ITGA11: variants seen among roughly 807,000 people sequenced by gnomAD.
The protein encoded by ITGA11 is integrin alpha-11.
ITGA11 carries 97 observed loss-of-function variants against 141.9 expected under a neutral mutation model. The ratio of observed to expected loss-of-function variants is 0.68; its 90% CI spans 0.58 to 0.81. The LOEUF (loss-of-function observed/expected upper bound fraction) is 0.81. Ranked by LOEUF, ITGA11 falls within the 30% of genes least tolerant of loss-of-function variation. The pLI is 0.00. For missense variants in ITGA11, 1,387 were observed against 1,559.2 expected (o/e 0.89, Z 1.86); for synonymous variants, 658 against 624.6 (o/e 1.05, Z -0.80).
At chr15:68,311,168 C>T (rs966380787) in intron 25 of ITGA11, 88 bp from the exon 26 acceptor site, 14 of 1,295,434 alleles carry the variant, frequency 1.1e-5, no homozygotes, top group Non-Finnish European at 1.5e-5. Context: ...TTTCTTTTCT[C>T]CTCCTCTAGC....
chr15:68,402,378 A>C (rs1896533113), intron 2 of ITGA11, among the ~76,000 whole-genome samples: 1 of 152,174 alleles, frequency 6.6e-6, no homozygotes, highest in African/African-American at 2.4e-5. Flanking sequence ...GAAATGAGTG[A>C]GTTAGATGAT....
intron 1 of ITGA11, among the ~76,000 whole-genome samples, chr15:68,429,729 C>T (rs565697990): frequency 1.3e-5 from 2 of 152,356 alleles, no homozygotes; most frequent in South Asian, 4.1e-4. Context: ...CCCTTCTAGT[C>T]TTCAAAGTCC....
At chr15:68,345,800 C>G (rs1894727299) in intron 10 of ITGA11, among the ~76,000 whole-genome samples, 1 of 152,162 alleles carries the variant, frequency 6.6e-6, no homozygotes, top group African/African-American at 2.4e-5. Context: ...CTAACTGACC[C>G]TGAGAGCTGA....
chr15:68,328,316 C>A lies in ITGA11; in HGVS notation c.1902-54G>T. 1 of 1,534,320 alleles carries A rather than the reference C, an allele frequency of 6.5e-7. No homozygotes were observed. The highest frequency in any genetic ancestry group is 2.3e-5 in the East Asian group (1 of 43,908). On this transcript the variant is annotated intron_variant, in intron 15 of 29. Coordinates refer to ENST00000315757, the MANE Select transcript of ITGA11 (RefSeq NM_001004439.2). This position sits in a 1 kb window ranked among gnomAD's most constrained non-coding sequence, Gnocchi z 4.8. ...TGGGGCAGGGGCTCAGGCTGCCCTG[C>A]TGTGACCATGGGGAAAGACAAGAAC...
chr15:68,406,654 C>T (rs1182834140), intron 1 of ITGA11, among the ~76,000 whole-genome samples: 1 of 152,186 alleles, frequency 6.6e-6, no homozygotes, highest in African/African-American at 2.4e-5. Context: ...CCTATAGTCT[C>T]TAAGTGCCAC....
chr15:68,311,177 G>A, intron 25 of ITGA11, 97 bp from the exon 26 acceptor site: 1 of 1,274,164 alleles, frequency 7.8e-7, no homozygotes, highest in Non-Finnish European at 1.1e-6. Flanking sequence ...TCCTCCTCTA[G>A]CCGTGGTCCT....
In ITGA11 at chr15:68,315,641, C is replaced by G. The variant is rs375668513; in HGVS notation, c.2792+10G>C. On this transcript the variant is annotated intron_variant, in intron 22 of 29. Coordinates refer to ENST00000315757, the MANE Select transcript of ITGA11 (RefSeq NM_001004439.2). ...AAGCTTTGGGGAGAAGGAGCAGGCA[C>G]GGCCCTGACCTGCCTGCAGCGAGCT... 1 of 1,608,620 alleles carries G rather than the reference C, an allele frequency of 6.2e-7. No homozygotes were observed. The highest frequency in any genetic ancestry group is 1.1e-5 in the South Asian group (1 of 90,604).
chr15:68,303,171 G>T lies in ITGA11; in HGVS notation c.3496-41C>A, dbSNP rs989019590. On this transcript the variant is annotated intron_variant, in intron 29 of 29. Transcript: ENST00000315757. The surrounding 1 kb of genome is among the most constrained non-coding windows in gnomAD (Gnocchi z 5.3). ...GGGAGACGTCTCAGAGGAGGACAGGGTGGGCAAGGCCTGCCCCAGCTTTCC... is the reference window on the plus strand; with the variant it reads ...GGGAGACGTCTCAGAGGAGGACAGGTTGGGCAAGGCCTGCCCCAGCTTTCC... 7.9e-6 allele frequency: 12 copies of T among 1,523,628 alleles called. No homozygotes were observed. In the African/African-American group the frequency reaches 1.5e-4, roughly 19 times the overall value. 94.4% of individuals were successfully genotyped at this position (1,523,628 alleles called of 1,614,324 possible).
At position 68,333,983 on chromosome 15, in the gene ITGA11, C is replaced by A. The variant is rs531209315; in HGVS notation, c.1426-1505G>T. Among the ~76,000 whole-genome samples the A allele has an allele frequency of 1.6e-4, 25 of 152,344 alleles. No homozygotes were observed. Among genetic ancestry groups the A allele is most frequent in the African/African-American group, 6.0e-4 (25 of 41,574 alleles). On this transcript the variant is annotated intron_variant, in intron 12 of 29. Transcript: ENST00000315757. The surrounding 1 kb of genome is among the most constrained non-coding windows in gnomAD (Gnocchi z 4.2). ...CCCCTGCGTCCTCCCCAGACCATCC[C>A]CTGCCATCCCTCAAGTCTCAGCTGA...
chr15:68,425,229 G>A (rs1047736711), intron 1 of ITGA11, among the ~76,000 whole-genome samples: 6 of 152,206 alleles, frequency 3.9e-5, no homozygotes, highest in East Asian at 3.9e-4. Context: ...TTTGATGAGC[G>A]CTTGGCCTGT....
At position 68,297,104 on chromosome 15, in the gene ITGA11, T is replaced by G. The variant is rs1271722729; in HGVS notation, c.*5955A>C. 1 of 152,126 alleles carries G rather than the reference T, an allele frequency of 6.6e-6. No homozygotes were observed. The highest frequency in any genetic ancestry group is 2.4e-5 in the African/African-American group (1 of 41,404). 9.4% of individuals were successfully genotyped at this position (152,126 alleles called of 1,614,324 possible). A position where few individuals can be genotyped will look rare whatever the true frequency, so the allele number is the denominator to read the frequency against. ...ACAGGTATGTGCCACCATGCCCAGCTAATTCTTTTTATTTTGGTATTTTTT... is the reference window on the plus strand; with the variant it reads ...ACAGGTATGTGCCACCATGCCCAGCGAATTCTTTTTATTTTGGTATTTTTT... On this transcript the variant is annotated 3_prime_UTR_variant, in exon 30 of 30. Coordinates refer to ENST00000315757, the MANE Select transcript of ITGA11 (RefSeq NM_001004439.2).
At chr15:68,387,147 G>C (rs1896005135) in intron 2 of ITGA11, among the ~76,000 whole-genome samples, 1 of 152,066 alleles carries the variant, frequency 6.6e-6, no homozygotes, top group Admixed American at 6.5e-5. Context: ...GTAGGGGAAA[G>C]GATAAGAGGG....
At chr15:68,364,657 A>ACCCCCCCCCCCCCCCC in intron 4 of ITGA11, 50 bp downstream of exon 4, 1 of 671,324 alleles carries the variant, frequency 1.5e-6, no homozygotes, top group Non-Finnish European at 2.7e-6. Context: ...ACCCCTCCCC[A>ACCCCCCCCCCCCCCCC]CCCCCACCCC....
At chr15:68,317,507 C>T (rs768356139) in intron 20 of ITGA11, 144 bp from the exon 21 acceptor site, 128 of 647,510 alleles carry the variant, frequency 2.0e-4, no homozygotes, top group Non-Finnish European at 3.4e-4. Flanking sequence ...GACCACAGCC[C>T]TTCTGATGTC....
Position 68,311,324 on chromosome 15 carries a change from C to A in ITGA11, c.3053G>T (p.Arg1018Leu). 1 of 1,577,090 alleles carries A rather than the reference C, an allele frequency of 6.3e-7. No homozygotes were observed. Among genetic ancestry groups the A allele is most frequent in the Non-Finnish European group, 8.6e-7 (1 of 1,160,270 alleles). ...GAGGAAGTCCCTCAGCTTCAGTAGG[C>A]GGTTGCCGCTCCTGGTGGCGATGGG... ...TIPIATRSGN[R>L]LLKLRDFLTD... Residue 1018 changes from arginine to leucine, a missense_variant, in exon 25 of 30, where the codon CGC (arginine) becomes CTC (leucine). Transcript: ENST00000315757.
chr15:68,396,582 T>C (rs1451265507), intron 2 of ITGA11, among the ~76,000 whole-genome samples: 1 of 151,152 alleles, frequency 6.6e-6, no homozygotes, highest in East Asian at 2.0e-4. Flanking sequence ...GCCAGTGCAA[T>C]TAGAAAAATA....
At chr15:68,430,678 T>C (rs1897247814) in intron 1 of ITGA11, among the ~76,000 whole-genome samples, 1 of 152,192 alleles carries the variant, frequency 6.6e-6, no homozygotes, top group Non-Finnish European at 1.5e-5. Context: ...GGGCTTGGCC[T>C]CCTCCCGCAG....
At chr15:68,427,744 C>G (rs145546510) in intron 1 of ITGA11, among the ~76,000 whole-genome samples, 1 of 152,166 alleles carries the variant, frequency 6.6e-6, no homozygotes. Flanking sequence ...AGAATTCACA[C>G]AGTTAGGATC....
At chr15:68,364,842 G>T (rs186414186) in intron 3 of ITGA11, 44 bp from the exon 4 acceptor site, 3 of 1,558,262 alleles carry the variant, frequency 1.9e-6, no homozygotes, top group Non-Finnish European at 1.8e-6. Flanking sequence ...CCTCCTGCCC[G>T]CCCTCTGCCC....
Sources: allele counts gnomAD v4.1 joint callset (sites outside exome capture counted in the v4.1 genomes callset), GRCh38; gene constraint gnomAD v4.1.1; non-coding constraint Gnocchi (gnomAD v3.1); transcripts MANE v1.5; gene names NCBI Gene and HGNC (gene_info 2026-07-23, HGNC 2026-07-21).